The following TNS3 variants were observed in gnomAD, a reference collection of about 807,000 sequenced individuals.
TNS3 encodes tensin-3.
TNS3 carries 45 observed loss-of-function variants against 140.9 expected under a neutral mutation model. That is an observed-to-expected ratio of 0.32 (90% CI 0.25 to 0.41). TNS3 has a LOEUF of 0.41. TNS3 is among the 10% of genes least tolerant of loss of function. The probability of loss-of-function intolerance (pLI) is 1.00; values close to 1 mark genes in which losing one functional copy is unlikely to be tolerated. For synonymous variants in TNS3, 815 were observed against 788.4 expected, an observed-to-expected ratio of 1.03 and a Z score of -0.56; for missense variants, 1,716 against 1,906.7, an observed-to-expected ratio of 0.90 and a Z score of 1.86.
At chr7:47,454,170 C>T (rs745384702) in intron 4 of TNS3, among the ~76,000 whole-genome samples, 87 of 152,226 alleles carry the variant, frequency 5.7e-4, no homozygotes, top group Non-Finnish European at 6.9e-4. Flanking sequence ...CACGTGGTGT[C>T]TCCTTCCAGG....
chr7:47,452,333 C>T (rs1796051636), intron 4 of TNS3, among the ~76,000 whole-genome samples: 1 of 152,138 alleles, frequency 6.6e-6, no homozygotes, highest in South Asian at 2.1e-4. Flanking sequence ...AACAAGAATA[C>T]CAGGAACCAA....
intron 17 of TNS3, among the ~76,000 whole-genome samples, chr7:47,348,493 T>C (rs1402295752): frequency 6.6e-6 from 1 of 152,174 alleles, no homozygotes; most frequent in Non-Finnish European, 1.5e-5. Context: ...ACATGCAAGA[T>C]AATATGTGGT....
chr7:47,346,007 G>C (rs577992440), intron 18 of TNS3, among the ~76,000 whole-genome samples, 180 bp downstream of exon 18: 1 of 152,202 alleles, frequency 6.6e-6, no homozygotes, highest in Non-Finnish European at 1.5e-5. Flanking sequence ...CAGCCACACC[G>C]CTTGCCAGGT....
chr7:47,543,891 T>C (rs1430652566), intron 1 of TNS3, among the ~76,000 whole-genome samples: 5 of 152,218 alleles, frequency 3.3e-5, no homozygotes, highest in Non-Finnish European at 7.3e-5. Context: ...AGATGGTGAC[T>C]TCTGACATCC....
At chr7:47,439,419 G>A (rs926841489) in intron 6 of TNS3, 68 bp downstream of exon 6, 5 of 1,537,024 alleles carry the variant, frequency 3.3e-6, no homozygotes, top group African/African-American at 1.4e-5. Context: ...TGTTCTGTGA[G>A]TGCCCATCCC....
intron 20 of TNS3, among the ~76,000 whole-genome samples, chr7:47,323,777 T>G (rs975218447): frequency 7.2e-5 from 11 of 152,172 alleles, no homozygotes; most frequent in African/African-American, 2.7e-4. Context: ...TAATGACAAG[T>G]TATGTATATA....
At chr7:47,517,800 G>A (rs562697591) in intron 2 of TNS3, among the ~76,000 whole-genome samples, 80 of 152,264 alleles carry the variant, frequency 5.3e-4, no homozygotes, top group Admixed American at 7.2e-4. Flanking sequence ...GCCTAAAGGC[G>A]GAGGGAGGGT....
chr7:47,540,774 A>G (rs1488953825), intron 1 of TNS3, among the ~76,000 whole-genome samples: 1 of 152,164 alleles, frequency 6.6e-6, no homozygotes, highest in Non-Finnish European at 1.5e-5. Flanking sequence ...TTTTTGGTGA[A>G]CTGGCCAAAG....
At chr7:47,558,999 C>T (rs529858422) in intron 1 of TNS3, among the ~76,000 whole-genome samples, 3 of 152,232 alleles carry the variant, frequency 2.0e-5, no homozygotes, top group Non-Finnish European at 4.4e-5. Flanking sequence ...AATCTCGCAA[C>T]GCCCGTGTAT....
At chr7:47,388,210 C>A (rs1792183036) in intron 16 of TNS3, among the ~76,000 whole-genome samples, 1 of 152,032 alleles carries the variant, frequency 6.6e-6, no homozygotes. Context: ...GAATAAGGAC[C>A]AAACCCTCAT....
chr7:47,410,727 A>G (rs998627442), intron 13 of TNS3, among the ~76,000 whole-genome samples: 21 of 152,228 alleles, frequency 1.4e-4, no homozygotes, highest in Admixed American at 1.4e-3. Flanking sequence ...ATGAAAAGCT[A>G]TTTCTCGAGT....
intron 2 of TNS3, among the ~76,000 whole-genome samples, chr7:47,527,134 G>A (rs887266182): frequency 2.0e-5 from 3 of 152,286 alleles, no homozygotes; most frequent in Admixed American, 6.5e-5. Flanking sequence ...CTGCTGGGGA[G>A]GCTGAGGCAG....
intron 20 of TNS3, among the ~76,000 whole-genome samples, chr7:47,309,149 G>A (rs1786931804): frequency 6.6e-6 from 1 of 152,194 alleles, no homozygotes; most frequent in African/African-American, 2.4e-5. Context: ...TTCACTGCCT[G>A]ATGCCCATTG....
intron 20 of TNS3, among the ~76,000 whole-genome samples, chr7:47,322,911 G>A (rs1295541606): frequency 1.3e-5 from 2 of 152,182 alleles, no homozygotes; most frequent in African/African-American, 2.4e-5. Flanking sequence ...CACACTGCTG[G>A]AACCGTGTCA....
At chr7:47,280,375 G>A (rs1785078079) in intron 28 of TNS3, 21 bp from the exon 29 acceptor site, 2 of 1,613,172 alleles carry the variant, frequency 1.2e-6, no homozygotes. Flanking sequence ...ATGGGGGAGA[G>A]AGGATGGCTC....
At chr7:47,307,908 A>G (rs575120424) in intron 20 of TNS3, among the ~76,000 whole-genome samples, 1 of 152,298 alleles carries the variant, frequency 6.6e-6, no homozygotes, top group Admixed American at 6.5e-5. Context: ...CTGTGCATAT[A>G]TTCACTTAAG....
At chr7:47,398,962 C>T (rs6976881) in intron 15 of TNS3, among the ~76,000 whole-genome samples, 20,144 of 151,242 alleles carry the variant, frequency 0.13, 1,573 homozygotes, top group African/African-American at 0.21. Flanking sequence ...ATTTGATAAA[C>T]GAATTCAGTA....
chr7:47,312,478 G>A (rs1029435089), intron 20 of TNS3, among the ~76,000 whole-genome samples: 7 of 151,762 alleles, frequency 4.6e-5, no homozygotes, highest in Admixed American at 2.6e-4. Context: ...CGAGGCAGGC[G>A]GATCACCTGA....
intron 2 of TNS3, among the ~76,000 whole-genome samples, chr7:47,510,492 C>T (rs1193864181): frequency 6.6e-6 from 1 of 152,146 alleles, no homozygotes; most frequent in African/African-American, 2.4e-5. Flanking sequence ...GACTCGAGTG[C>T]TTGTCATTTT....
Sources: allele counts gnomAD v4.1 joint callset (sites outside exome capture counted in the v4.1 genomes callset), GRCh38; gene constraint gnomAD v4.1.1; transcripts MANE v1.5; gene names NCBI Gene and HGNC (gene_info 2026-07-23, HGNC 2026-07-21).